Variants in OTOF observed in about 807,000 individuals in gnomAD.
OTOF encodes the protein fer-1-like family member 2.
Under a neutral mutation model 236.8 loss-of-function variants are expected in OTOF, and 218 were observed. That is an observed-to-expected ratio of 0.92 (90% CI 0.82 to 1.03). OTOF has a LOEUF of 1.03. Ranked by LOEUF, OTOF falls within the 50% of genes least tolerant of loss-of-function variation. The pLI is 0.00. For missense variants in OTOF, 2,590 were observed against 2,694.4 expected (o/e 0.96, Z 0.86); for synonymous variants, 1,041 against 1,072.5 (o/e 0.97, Z 0.57).
intron 38 of OTOF, 129 bp from the exon 39 acceptor site, chr2:26,465,158 C>A: frequency 1.3e-6 from 1 of 776,914 alleles, no homozygotes. Context: ...ATTCCTCCTG[C>A]CCTGGGCCCC....
chr2:26,510,680 G>A (rs889886507), intron 5 of OTOF: 18 of 1,284,382 alleles, frequency 1.4e-5, no homozygotes, highest in South Asian at 2.5e-5. Flanking sequence ...ACGCTGTTGC[G>A]TCTGCCCTCG....
chr2:26,493,704 A>C (rs4665329), intron 9 of OTOF, among the ~76,000 whole-genome samples: 77,329 of 152,042 alleles, frequency 0.51, 21,388 homozygotes, highest in East Asian at 0.91. Flanking sequence ...GAAAGGGAAG[A>C]AAGTTTTGTT....
chr2:26,474,373 G>T, intron 26 of OTOF, 140 bp downstream of exon 26: 1 of 91,250 alleles, frequency 1.1e-5, no homozygotes, highest in Non-Finnish European at 2.0e-5. Context: ...CCCAGCCCCA[G>T]GCCCCAGCCT....
intron 30 of OTOF, 150 bp downstream of exon 30, chr2:26,472,369 G>A: frequency 3.2e-6 from 3 of 943,636 alleles, no homozygotes; most frequent in Non-Finnish European, 5.2e-6. Flanking sequence ...GAGCTGTTTG[G>A]ACACACAATC....
chr2:26,460,505 G>A lies in OTOF; in HGVS notation c.5813+142C>T. On this transcript the variant is annotated intron_variant, in intron 45 of 46. Coordinates refer to ENST00000272371, the MANE Select transcript of OTOF (RefSeq NM_194248.3). The surrounding 1 kb of genome is among the most constrained non-coding windows in gnomAD (Gnocchi z 5.3). ...TTCAAAGGGACGTTGTGGGATTCAG[G>A]GTTGGCAGAGGGCAGGGAGGAGGCT... 2 of 730,148 alleles carry A rather than the reference G, an allele frequency of 2.7e-6. No homozygotes were observed. Among genetic ancestry groups the A allele is most frequent in the Non-Finnish European group, 4.8e-6 (2 of 414,910 alleles). 45.2% of individuals were successfully genotyped at this position (730,148 alleles called of 1,614,324 possible).
At chr2:26,511,508 C>G (rs1666389570) in intron 5 of OTOF, among the ~76,000 whole-genome samples, 1 of 152,246 alleles carries the variant, frequency 6.6e-6, no homozygotes. Context: ...TCCTCACACC[C>G]TGTTCTGGCA....
chr2:26,501,465 T>C (rs192498503), intron 8 of OTOF, among the ~76,000 whole-genome samples: 11 of 152,368 alleles, frequency 7.2e-5, no homozygotes, highest in African/African-American at 2.4e-4. Context: ...TTATGGTTTT[T>C]CTAGGTGCTT....
At chr2:26,482,048 TAC>T (rs1179690151) in intron 14 of OTOF, among the ~76,000 whole-genome samples, 1 of 152,198 alleles carries the variant, frequency 6.6e-6, no homozygotes, top group Admixed American at 6.5e-5. Flanking sequence ...CATATATATA[TAC>T]ACACACACTG....
chr2:26,464,919 T>A lies in OTOF; in HGVS notation c.4910A>T (p.Lys1637Met). 1 of 1,594,688 alleles carries A rather than the reference T, an allele frequency of 6.3e-7. No homozygotes were observed. The highest frequency in any genetic ancestry group is 1.2e-5 in the South Asian group (1 of 86,954). The stretch of plus-strand genomic sequence containing the variant: ...CCCAGTGAAGACGCGGTTGGCCACC[T>A]TCACTCTCCCAGGGGGCCCAAAGTG... ...GPHFGPPGRV[K>M]VANRVFTGPS... is the part of the protein sequence containing the mutation. Residue 1637 changes from lysine (K) to methionine (M), a missense_variant, in exon 39 of 47, where the codon AAG (lysine) becomes ATG (methionine). Physicochemically the swap from Lys to Met is moderately conservative, Grantham distance 95. Coordinates refer to ENST00000272371, the MANE Select transcript of OTOF (RefSeq NM_194248.3).
At chr2:26,510,826 C>G in intron 5 of OTOF, 1 of 1,003,768 alleles carries the variant, frequency 1.0e-6, no homozygotes, top group South Asian at 1.4e-5. Context: ...GCCTCAGCCC[C>G]GGCCCCACGG....
At chr2:26,497,799 A>T (rs1245171282) in intron 8 of OTOF, among the ~76,000 whole-genome samples, 8 of 152,262 alleles carry the variant, frequency 5.3e-5, no homozygotes, top group Non-Finnish European at 1.0e-4. Flanking sequence ...CTGCTCCTTC[A>T]GGGAGCTAAA....
At position 26,463,534 on chromosome 2, in the gene OTOF, T is replaced by C; in HGVS notation, c.5141A>G (p.Asp1714Gly). The C allele has an allele frequency of 6.2e-7, 1 of 1,609,214 alleles. No homozygotes were observed. ...LELWVDMFPM[D>G]MPAPGTPLDI... is the part of the protein sequence containing the mutation. ...CAGAGGCGTCCCAGGGGCTGGCATG[T>C]CCATGGGGAACATGTCCACCCACAG... The change falls in exon 41 of 47, where the codon GAC becomes GGC. Residue 1714 changes from aspartate to glycine, a missense_variant. Around this residue, in one of 2 missense-constraint regions of OTOF, gnomAD observed 1,211 missense variants for 1,352.8 expected, o/e 0.90. Coordinates refer to ENST00000272371, the MANE Select transcript of OTOF (RefSeq NM_194248.3).
chr2:26,466,424 C>T (rs1252401084), intron 36 of OTOF: 1 of 511,338 alleles, frequency 2.0e-6, no homozygotes, highest in African/African-American at 1.9e-5. Context: ...GCAAGCTCCA[C>T]CTCCCAGGTT....
At position 26,470,543 on chromosome 2, in the gene OTOF, G is replaced by A. The variant is rs1466344092; in HGVS notation, c.4023+50C>T. On this transcript the variant is annotated intron_variant, in intron 32 of 46. Transcript: ENST00000272371. This position sits in a 1 kb window ranked among gnomAD's most constrained non-coding sequence, Gnocchi z 4.3. ...CCGTGGGAAAGAAGCTGGACAGGAG[G>A]GTCTGAGTGTGGAGGGGGTCACCTC... 1 of 1,574,618 alleles carries A rather than the reference G, an allele frequency of 6.4e-7. No individual in the cohort carries two copies. Among genetic ancestry groups the A allele is most frequent in the Admixed American group, 1.7e-5 (1 of 59,980 alleles).
Position 26,470,804 on chromosome 2 carries a change from G to A in OTOF, c.3895-83C>T. The A allele has an allele frequency of 6.4e-7, 1 of 1,565,980 alleles. No individual in the cohort carries two copies. The highest frequency in any genetic ancestry group is 8.6e-7 in the Non-Finnish European group (1 of 1,160,654). On this transcript the variant is annotated intron_variant, in intron 31 of 46. Transcript: ENST00000272371. The surrounding 1 kb of genome is among the most constrained non-coding windows in gnomAD (Gnocchi z 4.3). ...AGAGCCTCCACCCATTCCGCCATCT[G>A]TCAGCAGGAAGCCTTGGGCTCCATG...
chr2:26,509,031 G>C (rs1666318603), intron 5 of OTOF, among the ~76,000 whole-genome samples: 1 of 152,204 alleles, frequency 6.6e-6, no homozygotes, highest in Non-Finnish European at 1.5e-5. Flanking sequence ...GACCTACTAT[G>C]TGCTGGCACT....
At chr2:26,497,414 C>T (rs941610149) in intron 8 of OTOF, among the ~76,000 whole-genome samples, 5 of 152,116 alleles carry the variant, frequency 3.3e-5, no homozygotes, top group Non-Finnish European at 5.9e-5. Context: ...AATGCGACTC[C>T]GAAGGTTGCT....
chr2:26,512,451 G>A (rs975678503), intron 5 of OTOF, among the ~76,000 whole-genome samples: 8 of 152,232 alleles, frequency 5.3e-5, no homozygotes, highest in Admixed American at 5.2e-4. Flanking sequence ...TGTGGTCAGG[G>A]CCGAAGTCAC....
In OTOF at chr2:26,479,605, CG is replaced by C. The variant is rs1665470251; in HGVS notation, c.1960del (p.Arg654GlyfsTer12). On this transcript the variant is annotated frameshift_variant, in exon 17 of 47. Coordinates refer to ENST00000272371, the MANE Select transcript of OTOF (RefSeq NM_194248.3). LOFTEE classifies it high-confidence loss of function. ...CTCATCCCCCGGCTCCTTCCGGGGC[CG>C]AGGCCGCTGGGGCCGGGACAGGCCA... is the stretch of plus-strand genomic sequence containing the variant. ...VDGLSRPQRP[R>X]PRKEPGDEEE... 1 of 1,612,304 alleles carries C rather than the reference CG, an allele frequency of 6.2e-7. No homozygotes were observed. The highest frequency in any genetic ancestry group is 8.5e-7 in the Non-Finnish European group (1 of 1,179,728).
Sources: allele counts gnomAD v4.1 joint callset (sites outside exome capture counted in the v4.1 genomes callset), GRCh38; gene constraint gnomAD v4.1.1; regional missense constraint gnomAD v4.1.1; non-coding constraint Gnocchi (gnomAD v3.1); transcripts MANE v1.5; gene names NCBI Gene and HGNC (gene_info 2026-07-23, HGNC 2026-07-21).